CD163: variants seen among roughly 807,000 people sequenced by gnomAD.
CD163 encodes the protein CD163 molecule.
A neutral mutation model predicts 129.2 loss-of-function variants in CD163; 64 were observed. The observed-to-expected ratio is 0.50, with a 90% CI of 0.41 to 0.61. The LOEUF (loss-of-function observed/expected upper bound fraction) is 0.61, where lower values mean the gene tolerates loss of function less well. Among genes scored for constraint, CD163 ranks in the 20% least tolerant of loss-of-function variants. The pLI is 0.00. For synonymous variants in CD163, 446 were observed against 478.5 expected (o/e 0.93, Z 0.89); for missense variants, 1,061 against 1,377.9 (o/e 0.77, Z 3.64).
In CD163 at chr12:7,496,690, A is replaced by C; in HGVS notation, c.1099+123T>G. ...TTACAGGTATAAAGGAATTCCCAGC[A>C]AGGAATTTACTAGGCATTTCTACTT... On this transcript the variant is annotated intron_variant, in intron 5 of 16. Transcript: ENST00000432237. This position sits in a 1 kb window ranked among gnomAD's most constrained non-coding sequence, Gnocchi z 4.8. The C allele has an allele frequency of 1.3e-6, 1 of 761,556 alleles. No individual in the cohort carries two copies. The highest frequency in any genetic ancestry group is 2.2e-6 in the Non-Finnish European group (1 of 457,286). The allele number at this position is 761,556 out of a possible 1,614,324, so 47.2% of individuals were successfully genotyped here.
intron 16 of CD163, among the ~76,000 whole-genome samples, chr12:7,477,750 A>T (rs1949106918): frequency 6.6e-6 from 1 of 152,202 alleles, no homozygotes; most frequent in African/African-American, 2.4e-5. Flanking sequence ...CAGAACTTAA[A>T]GATTAAAAAC....
Position 7,487,746 on chromosome 12 carries a change from C to T in CD163, c.1735+27G>A. The T allele has an allele frequency of 6.2e-7, 1 of 1,613,920 alleles. No individual in the cohort carries two copies. ...CCTGTCCCTTTCACAGTATGAGAACCAATTAAAGATGTTTTCTGGGTCTTA... is the reference window on the plus strand; with the variant it reads ...CCTGTCCCTTTCACAGTATGAGAACTAATTAAAGATGTTTTCTGGGTCTTA... On this transcript the variant is annotated intron_variant, in intron 7 of 16. Transcript: ENST00000432237. The surrounding 1 kb of genome is among the most constrained non-coding windows in gnomAD (Gnocchi z 5.1).
chr12:7,500,257 C>T lies in CD163; in HGVS notation c.457+882G>A, dbSNP rs1949461836. On this transcript the variant is annotated intron_variant, in intron 3 of 16. Coordinates refer to ENST00000432237, the MANE Select transcript of CD163 (RefSeq NM_203416.4). Reference sequence around the variant, plus strand: ...CCAATATGGTGAAACCCTGTCTCTACTAAAAATACAAAAATCAGCCAGGTG... The same window carrying T: ...CCAATATGGTGAAACCCTGTCTCTATTAAAAATACAAAAATCAGCCAGGTG... Among the ~76,000 whole-genome samples, 8 of 151,658 alleles carry T rather than the reference C, an allele frequency of 5.3e-5. No homozygotes were observed. The South Asian group carries it at 1.7e-3, about 32-fold the overall frequency.
chr12:7,472,884 C>A (rs903201084), intron 16 of CD163, among the ~76,000 whole-genome samples: 2 of 152,098 alleles, frequency 1.3e-5, no homozygotes, highest in African/African-American at 4.8e-5. Context: ...ACACAAATGA[C>A]CTGATGGAGC....
At position 7,487,330 on chromosome 12, in the gene CD163, C is replaced by G. The variant is rs1490881449; in HGVS notation, c.2050+29G>C. 6.5e-7 allele frequency: 1 copy of G among 1,541,606 alleles called. No individual in the cohort carries two copies. ...CCCTATGTACACCTTCTCTTAAGACCCATCACTGGCTGCCCGTCATCCTCT... is the reference window on the plus strand; with the variant it reads ...CCCTATGTACACCTTCTCTTAAGACGCATCACTGGCTGCCCGTCATCCTCT... On this transcript the variant is annotated intron_variant, in intron 8 of 16. Coordinates refer to ENST00000432237, the MANE Select transcript of CD163 (RefSeq NM_203416.4). The surrounding 1 kb of genome is among the most constrained non-coding windows in gnomAD (Gnocchi z 5.1).
chr12:7,499,127 C>G lies in CD163; in HGVS notation c.519G>C (p.Glu173Asp). The G allele has an allele frequency of 6.2e-7, 1 of 1,614,014 alleles. No individual in the cohort carries two copies. Among genetic ancestry groups the G allele is most frequent in the Non-Finnish European group, 8.5e-7 (1 of 1,180,010 alleles). ...RGGNMCSGRIEIKFQGRWGTV... is the reference protein window; with the variant it reads ...RGGNMCSGRIDIKFQGRWGTV... ...TTCCCCACCGTCCTTGGAATTTGAT[C>G]TCTATTCTTCCAGAACACATATTCC... Residue 173 changes from glutamate to aspartate, a missense_variant, in exon 4 of 17, where the codon GAG becomes GAC. By Grantham distance (45) the Glu-to-Asp change is conservative. Coordinates refer to ENST00000432237, the MANE Select transcript of CD163 (RefSeq NM_203416.4).
At chr12:7,478,600 A>T (rs1167182092) in intron 16 of CD163, among the ~76,000 whole-genome samples, 1 of 151,904 alleles carries the variant, frequency 6.6e-6, no homozygotes, top group Non-Finnish European at 1.5e-5. Flanking sequence ...GTTTCTAAGA[A>T]CTCTATGTAT....
intron 11 of CD163, 99 bp from the exon 12 acceptor site, chr12:7,483,774 AAC>A: frequency 1.9e-6 from 1 of 537,826 alleles, no homozygotes. Context: ...AAAAAAAAAA[AAC>A]TATTTAAAAT....
chr12:7,480,864 T>A (rs1329198043), intron 15 of CD163: 1 of 1,026,358 alleles, frequency 9.7e-7, no homozygotes, highest in Non-Finnish European at 1.2e-6. Flanking sequence ...CAATCTTTTG[T>A]AAGATTAATT....
Position 7,487,931 on chromosome 12 carries a change from G to C in CD163, c.1577C>G (p.Ser526Cys), listed in dbSNP as rs765392469. The C allele has an allele frequency of 9.9e-6, 16 of 1,613,946 alleles. No homozygotes were observed. The highest frequency in any genetic ancestry group is 2.2e-5 in the East Asian group (1 of 44,884). Reference protein sequence around the residue: ...CRELQCGTVVSILGGAHFGEG... With the variant: ...CRELQCGTVVCILGGAHFGEG... Reference sequence around the variant, plus strand: ...TCCAAAGTGAGCTCCCCCCAGGATAGAGACAACTGTGCCACACTGTAATTC... The same window carrying C: ...TCCAAAGTGAGCTCCCCCCAGGATACAGACAACTGTGCCACACTGTAATTC... Residue 526 changes from serine (S) to cysteine (C), a missense_variant, in exon 7 of 17, where the codon TCT (serine) becomes TGT (cysteine). Transcript: ENST00000432237. The surrounding 1 kb of genome is among the most constrained non-coding windows in gnomAD (Gnocchi z 5.1).
intron 2 of CD163, among the ~76,000 whole-genome samples, chr12:7,502,023 C>T (rs1350327946): frequency 1.3e-5 from 2 of 152,164 alleles, no homozygotes; most frequent in African/African-American, 4.8e-5. Flanking sequence ...GTACTCTCTT[C>T]CCATCCCCAG....
Position 7,503,724 on chromosome 12 carries a change from C to A in CD163, c.-34G>T. On this transcript the variant is annotated 5_prime_UTR_variant, in exon 1 of 17. Transcript: ENST00000432237. ...TTTATAACTTCAATGATTCCTAAAT[C>A]TTCTTGTATTATTCCCTAGAAATGT... The A allele has an allele frequency of 1.5e-6, 2 of 1,362,046 alleles. No homozygotes were observed. Among genetic ancestry groups the A allele is most frequent in the Non-Finnish European group, 2.1e-6 (2 of 963,390 alleles). 84.4% of individuals were successfully genotyped at this position (1,362,046 alleles called of 1,614,324 possible). A position where few individuals can be genotyped will look rare whatever the true frequency, so the allele number is the denominator to read the frequency against.
In CD163 at chr12:7,482,907, C is replaced by G. The variant is rs1051036305; in HGVS notation, c.3127+59G>C. On this transcript the variant is annotated intron_variant, in intron 13 of 16. Transcript: ENST00000432237. ...GAACGTCTGACCTAAAATTTCTAAA[C>G]AAGAAAAATTCTATGTATGCAGATA... is the stretch of plus-strand genomic sequence containing the variant. The G allele has an allele frequency of 1.1e-5, 17 of 1,596,434 alleles. No individual in the cohort carries two copies. The African/African-American group carries it at 1.8e-4, about 17-fold the overall frequency.
In CD163 at chr12:7,495,241, G is replaced by C. The variant is rs772422889; in HGVS notation, c.1260C>G (p.Leu420=). 6.2e-7 allele frequency: 1 copy of C among 1,614,046 alleles called. No individual in the cohort carries two copies. Among genetic ancestry groups the C allele is most frequent in the African/African-American group, 1.3e-5 (1 of 75,000 alleles). The change falls in exon 6 of 17, where the codon CTC becomes CTG. Residue 420 remains leucine, a synonymous_variant. Transcript: ENST00000432237. ...TGGAGTACACTTGATAAGATGTTTTGAGTGCAGATCCACATCCCAGCTGCC... is the reference window on the plus strand; with the variant it reads ...TGGAGTACACTTGATAAGATGTTTTCAGTGCAGATCCACATCCCAGCTGCC... ...VCRQLGCGSA[L]KTSYQVYSKI...
chr12:7,487,715 C>T lies in CD163; in HGVS notation c.1736-42G>A. Reference sequence around the variant, plus strand: ...CTTTAGAAAAAGACAGCTATGACTCCCTAACCCTGTCCCTTTCACAGTATG... The same window carrying T: ...CTTTAGAAAAAGACAGCTATGACTCTCTAACCCTGTCCCTTTCACAGTATG... On this transcript the variant is annotated intron_variant, in intron 7 of 16. Transcript: ENST00000432237. The surrounding 1 kb of genome is among the most constrained non-coding windows in gnomAD (Gnocchi z 5.1). The T allele has an allele frequency of 6.2e-7, 1 of 1,614,050 alleles. No individual in the cohort carries two copies. The highest frequency in any genetic ancestry group is 1.1e-5 in the South Asian group (1 of 91,078).
Position 7,485,199 on chromosome 12 carries a change from A to G in CD163, c.2676T>C (p.Asn892=), listed in dbSNP as rs79148200. Residue 892 remains asparagine, a synonymous_variant, in exon 11 of 17, where the codon AAT becomes AAC. Transcript: ENST00000432237. The surrounding 1 kb of genome is among the most constrained non-coding windows in gnomAD (Gnocchi z 4.5). ...KAMSIPMWVD[N]VQCPKGPDTL... is the part of the protein sequence containing the mutation. ...TGTCAGGTCCTTTTGGACACTGAAC[A>G]TTGTCCACCCACATGGGAATGGACA... The G allele has an allele frequency of 6.2e-3, 9,936 of 1,614,154 alleles. 244 individuals are homozygous for G. The East Asian group carries it at 0.084, about 14-fold the overall frequency.
chr12:7,482,448 C>T (rs1020707616), intron 14 of CD163, among the ~76,000 whole-genome samples, 195 bp downstream of exon 14: 1 of 152,158 alleles, frequency 6.6e-6, no homozygotes, highest in Non-Finnish European at 1.5e-5. Context: ...AAGCAATTCT[C>T]CTGCCTCAGC....
chr12:7,482,896 A>G, intron 13 of CD163, 70 bp downstream of exon 13: 1 of 1,594,586 alleles, frequency 6.3e-7, no homozygotes. Flanking sequence ...GTCTGACCTA[A>G]AATTTCTAAA....
At chr12:7,486,250 C>CT (rs1181492348) in intron 10 of CD163, among the ~76,000 whole-genome samples, 2 of 152,170 alleles carry the variant, frequency 1.3e-5, no homozygotes, top group Non-Finnish European at 2.9e-5. Flanking sequence ...TAAAAACCTT[C>CT]ATTATTAACT....
Sources: gnomAD v4.1 joint callset for allele counts (sites outside exome capture counted in the v4.1 genomes callset) on GRCh38, gnomAD v4.1.1 for gene constraint, Gnocchi (gnomAD v3.1) non-coding constraint, MANE v1.5 for transcripts, NCBI Gene and HGNC (gene_info 2026-07-23, HGNC 2026-07-21) for gene names.